BCAS3: variants seen among roughly 807,000 people sequenced by gnomAD.
The protein encoded by BCAS3 is BCAS3 microtubule associated cell migration factor, also known as BCAS4/BCAS3 fusion.
A neutral mutation model predicts 116.1 loss-of-function variants in BCAS3; 53 were observed. The observed-to-expected ratio is 0.46, with a 90% CI of 0.37 to 0.57. The LOEUF is 0.57. BCAS3 is among the 20% of genes least tolerant of loss of function. The probability of loss-of-function intolerance (pLI) is 0.00; values close to 1 mark genes in which losing one functional copy is unlikely to be tolerated. For missense variants in BCAS3, 917 were observed against 1,165.4 expected, an observed-to-expected ratio of 0.79 and a Z score of 3.10; for synonymous variants, 391 against 408.2, an observed-to-expected ratio of 0.96 and a Z score of 0.51.
rs531613159 is a variant in BCAS3 at position 61,158,530 on chromosome 17, T to A, written c.2425+73966T>A. Among the ~76,000 whole-genome samples, 339 of 152,330 alleles carry A rather than the reference T, an allele frequency of 2.2e-3. 1 individual carries two copies. The highest frequency in any genetic ancestry group is 0.012 in the South Asian group (60 of 4,824). On this transcript the variant is annotated intron_variant, in intron 22 of 23. Coordinates refer to ENST00000407086, the MANE Select transcript of BCAS3 (RefSeq NM_017679.5). ...AATTGTTGGGAATTTTGGTAGTGAA[T>A]CTTTAACTGAGGTTAGACAGATTGC...
At chr17:61,314,770 T>C (rs1473329204) in intron 22 of BCAS3, among the ~76,000 whole-genome samples, 2 of 152,210 alleles carry the variant, frequency 1.3e-5, no homozygotes, top group Non-Finnish European at 2.9e-5. Context: ...TTGTGTGGTC[T>C]CCTAAATGAA....
chr17:60,946,952 G>T (rs1178606169), intron 13 of BCAS3, among the ~76,000 whole-genome samples: 5 of 152,064 alleles, frequency 3.3e-5, no homozygotes, highest in Admixed American at 3.3e-4. Context: ...GTAAATTCAG[G>T]AATATCAAAC....
At chr17:60,851,732 C>T (rs139035856) in intron 7 of BCAS3, 13,928 of 892,642 alleles carry the variant, frequency 0.016, 551 homozygotes, top group East Asian at 0.11. Context: ...GAGAAAGAAG[C>T]CAAGTCTGAT....
At position 61,368,187 on chromosome 17, in the gene BCAS3, G is replaced by T. The variant is rs2058840880; in HGVS notation, c.2426-140G>T. On this transcript the variant is annotated intron_variant, in intron 22 of 23. Transcript: ENST00000407086. This position sits in a 1 kb window ranked among gnomAD's most constrained non-coding sequence, Gnocchi z 6.0. ...TGAGCTATTTCTCCTGCGCTACCCA[G>T]TCTGTTGGCGGCGTGCTTCCATCCT... is the stretch of plus-strand genomic sequence containing the variant. The T allele has an allele frequency of 1.2e-6, 1 of 842,320 alleles. No individual in the cohort carries two copies. Among genetic ancestry groups the T allele is most frequent in the South Asian group, 2.0e-5 (1 of 49,726 alleles). 52.2% of individuals were successfully genotyped at this position (842,320 alleles called of 1,614,324 possible).
rs568492167 is a variant in BCAS3 at position 60,971,191 on chromosome 17, CTG to C, written c.1222-18778_1222-18777del. ...AACTCATGGCCCCAAAGAGGTGCAT[CTG>C]TAGTCTGCGAGTGTTTAGTCTTCCT... is the stretch of plus-strand genomic sequence containing the variant. On this transcript the variant is annotated intron_variant, in intron 14 of 23. Coordinates refer to ENST00000407086, the MANE Select transcript of BCAS3 (RefSeq NM_017679.5). Among the ~76,000 whole-genome samples the C allele has an allele frequency of 2.6e-5, 4 of 152,294 alleles. No homozygotes were observed. In the South Asian group the frequency reaches 8.3e-4, roughly 32 times the overall value.
chr17:61,351,615 A>G (rs2057852268), intron 22 of BCAS3, among the ~76,000 whole-genome samples: 1 of 152,258 alleles, frequency 6.6e-6, no homozygotes, highest in Non-Finnish European at 1.5e-5. Context: ...AGGACATACT[A>G]GAGCTAGATC....
At chr17:60,710,569 C>T (rs1251649297) in intron 5 of BCAS3, among the ~76,000 whole-genome samples, 2 of 151,540 alleles carry the variant, frequency 1.3e-5, no homozygotes, top group South Asian at 2.1e-4. Context: ...GTAGCTGGGA[C>T]TATAGGCGCC....
chr17:61,232,033 C>T (rs762190236), intron 22 of BCAS3, among the ~76,000 whole-genome samples: 16 of 150,504 alleles, frequency 1.1e-4, no homozygotes, highest in Non-Finnish European at 1.8e-4. Flanking sequence ...GGTGAAACCC[C>T]GTCTGTACTA....
rs2144577676 is a variant in BCAS3, at chr17:61,258,420, T to A, written c.2426-109907T>A. 6.6e-6 allele frequency among the ~76,000 whole-genome samples: 1 copy of A among 152,374 alleles called. No homozygotes were observed. The highest frequency in any genetic ancestry group is 2.1e-4 in the South Asian group (1 of 4,828). On this transcript the variant is annotated intron_variant, in intron 22 of 23. Coordinates refer to ENST00000407086, the MANE Select transcript of BCAS3 (RefSeq NM_017679.5). The surrounding 1 kb of genome is among the most constrained non-coding windows in gnomAD (Gnocchi z 4.7). The stretch of plus-strand genomic sequence containing the variant: ...GAACACAGGTTTTTAGAGGCAGGTT[T>A]ATCTAGGTTTGAGTTGTGGGTCTGC...
rs796467348 is a variant in BCAS3 at position 60,703,564 on chromosome 17, A to C, written c.215-5655A>C. On this transcript the variant is annotated intron_variant, in intron 4 of 23. Coordinates refer to ENST00000407086, the MANE Select transcript of BCAS3 (RefSeq NM_017679.5). ...CAATGGGAGTGAAACCTTGTCTCAA[A>C]AAAAAAAAATTAATTAAAATAAATG... is the stretch of plus-strand genomic sequence containing the variant. 7.9e-5 allele frequency among the ~76,000 whole-genome samples: 12 copies of C among 151,772 alleles called. 2 individuals carry two copies. In the East Asian group the frequency reaches 1.5e-3, roughly 20 times the overall value.
rs186416537 is a variant in BCAS3, at chr17:61,012,108, G to C, written c.1487-3643G>C. Among the ~76,000 whole-genome samples the C allele has an allele frequency of 1.3e-5, 2 of 151,998 alleles. No homozygotes were observed. The highest frequency in any genetic ancestry group is 6.6e-5 in the Admixed American group (1 of 15,240). ...AAGTGACTCCTTACTTTTTGTTCCT[G>C]AGTCATTTTTCAGATGTATTTATTA... On this transcript the variant is annotated intron_variant, in intron 15 of 23. Coordinates refer to ENST00000407086, the MANE Select transcript of BCAS3 (RefSeq NM_017679.5). This position sits in a 1 kb window ranked among gnomAD's most constrained non-coding sequence, Gnocchi z 4.5.
chr17:61,038,872 G>C (rs746451696), intron 18 of BCAS3, among the ~76,000 whole-genome samples: 4 of 151,728 alleles, frequency 2.6e-5, no homozygotes, highest in Non-Finnish European at 5.9e-5. Context: ...TGTTGTCAAG[G>C]TTGGTCTCAT....
chr17:60,744,687 C>T (rs948467619), intron 5 of BCAS3, among the ~76,000 whole-genome samples: 1 of 151,954 alleles, frequency 6.6e-6, no homozygotes, highest in East Asian at 1.9e-4. Context: ...CACAATGTTT[C>T]CTCTGCTCCC....
At chr17:60,846,384 G>T (rs887871587) in intron 7 of BCAS3, among the ~76,000 whole-genome samples, 1 of 152,122 alleles carries the variant, frequency 6.6e-6, no homozygotes, top group African/African-American at 2.4e-5. Context: ...CATTCAGATT[G>T]GCTCAAAACC....
rs1206743570 is a variant in BCAS3, at chr17:61,235,739, A to AG, written c.2426-132585dup. ...AGGAGAAGAAGGAGAAAGAAAGACA[A>AG]GGGAAAAAAATGGTTAGGGAGGCTG... is the stretch of plus-strand genomic sequence containing the variant. On this transcript the variant is annotated intron_variant, in intron 22 of 23. Transcript: ENST00000407086. The surrounding 1 kb of genome is among the most constrained non-coding windows in gnomAD (Gnocchi z 5.0). Among the ~76,000 whole-genome samples, 1 of 151,980 alleles carries AG rather than the reference A, an allele frequency of 6.6e-6. No individual in the cohort carries two copies. The highest frequency in any genetic ancestry group is 1.5e-5 in the Non-Finnish European group (1 of 67,978).
At chr17:61,093,985 A>G (rs2073801757) in intron 22 of BCAS3, among the ~76,000 whole-genome samples, 1 of 152,208 alleles carries the variant, frequency 6.6e-6, no homozygotes. Flanking sequence ...TTAAGTCAAA[A>G]TTATTTTTAT....
chr17:60,810,978 GTC>G, intron 7 of BCAS3: 1 of 670,162 alleles, frequency 1.5e-6, no homozygotes, highest in East Asian at 3.0e-5. Flanking sequence ...ACAAGTACTA[GTC>G]TCAGCAGATT....
At chr17:61,269,021 T>C (rs2050004401) in intron 22 of BCAS3, among the ~76,000 whole-genome samples, 1 of 152,184 alleles carries the variant, frequency 6.6e-6, no homozygotes. Context: ...TATCCATCAG[T>C]GGACATTTAG....
intron 22 of BCAS3, among the ~76,000 whole-genome samples, chr17:61,292,208 A>G (rs532043262): frequency 3.3e-5 from 5 of 152,144 alleles, no homozygotes; most frequent in South Asian, 4.1e-4. Flanking sequence ...GATCACCCCA[A>G]TGTTTTCTTT....
Sources: allele counts gnomAD v4.1 joint callset (sites outside exome capture counted in the v4.1 genomes callset), GRCh38; gene constraint gnomAD v4.1.1; non-coding constraint Gnocchi (gnomAD v3.1); transcripts MANE v1.5; gene names NCBI Gene and HGNC (gene_info 2026-07-23, HGNC 2026-07-21).